PCDHA6: variants seen among roughly 807,000 people sequenced by gnomAD.
The protein encoded by PCDHA6 is protocadherin alpha-6.
Under a neutral mutation model 60.3 loss-of-function variants are expected in PCDHA6, and 55 were observed. That is an observed-to-expected ratio of 0.91 (90% CI 0.73 to 1.14). The LOEUF (loss-of-function observed/expected upper bound fraction) is 1.14, where lower values mean the gene tolerates loss of function less well. Among genes scored for constraint, PCDHA6 ranks in the 50% most tolerant of loss-of-function variants. The probability of loss-of-function intolerance (pLI) is 0.00; values close to 1 mark genes in which losing one functional copy is unlikely to be tolerated. For synonymous variants in PCDHA6, 652 were observed against 557.9 expected, an observed-to-expected ratio of 1.17 and a Z score of -2.38; for missense variants, 1,327 against 1,256.5, an observed-to-expected ratio of 1.06 and a Z score of -0.85.
At chr5:140,850,820 C>T in intron 1 of PCDHA6, 6 of 1,598,226 alleles carry the variant, frequency 3.8e-6, no homozygotes, top group Non-Finnish European at 5.1e-6. Flanking sequence ...TCAGCCCGGG[C>T]CTTTCTCCTT....
intron 2 of PCDHA6, among the ~76,000 whole-genome samples, chr5:140,981,337 G>A (rs2096927522): frequency 6.6e-6 from 1 of 152,146 alleles, no homozygotes; most frequent in African/African-American, 2.4e-5. Context: ...ACTTTGGGAG[G>A]GTGAGGCAGG....
intron 1 of PCDHA6, chr5:140,928,280 C>T (rs781831365): frequency 6.2e-7 from 1 of 1,614,076 alleles, no homozygotes; most frequent in African/African-American, 1.3e-5. Context: ...CCTGGGGCCT[C>T]TCTAGGCCGA....
intron 3 of PCDHA6, among the ~76,000 whole-genome samples, chr5:141,006,264 T>C (rs2098264343): frequency 6.6e-6 from 1 of 152,148 alleles, no homozygotes; most frequent in Non-Finnish European, 1.5e-5. Flanking sequence ...CAGGCTGGAC[T>C]GCAGTGGCAC....
chr5:140,898,632 C>T (rs2066885282), intron 1 of PCDHA6, among the ~76,000 whole-genome samples: 1 of 152,158 alleles, frequency 6.6e-6, no homozygotes, highest in Non-Finnish European at 1.5e-5. Flanking sequence ...ATAATGCCTC[C>T]AGCTTTGTTC....
At chr5:140,968,162 C>A in intron 1 of PCDHA6, 1 of 1,614,122 alleles carries the variant, frequency 6.2e-7, no homozygotes, top group East Asian at 2.2e-5. Flanking sequence ...CAATGACAAT[C>A]CACCAAGCTT....
At chr5:140,848,315 C>A (rs1347571265) in intron 1 of PCDHA6, 1 of 741,172 alleles carries the variant, frequency 1.3e-6, no homozygotes. Flanking sequence ...CTCTTTGCCG[C>A]GATGTTCTCT....
rs148820707 is a variant in PCDHA6, at chr5:140,954,545, G to A, written c.2395-24404G>A. ...AGTGATGTTGAGGTTTTTTTCATAT[G>A]TTTGTTGGCTGCATGACTGTCTTCT... On this transcript the variant is annotated intron_variant, in intron 1 of 3. Coordinates refer to ENST00000529310, the MANE Select transcript of PCDHA6 (RefSeq NM_018909.4). 4.6e-3 allele frequency among the ~76,000 whole-genome samples: 702 copies of A among 152,204 alleles called. 2 individuals are homozygous for A. The highest frequency in any genetic ancestry group is 0.016 in the African/African-American group (679 of 41,554).
At chr5:140,850,964 C>G (rs1554145138) in intron 1 of PCDHA6, 1 of 1,468,876 alleles carries the variant, frequency 6.8e-7, no homozygotes, top group African/African-American at 1.4e-5. Flanking sequence ...TCCCAGGGGC[C>G]GTTCAAATAG....
In PCDHA6 at chr5:141,011,865, G is replaced by A. The variant is rs372303007; in HGVS notation, c.*1928G>A. Reference sequence around the variant, plus strand: ...TAAGACATTTTAATTTTGTTATAATGTACAATTTAGAAGTTTGATTAATTA... The same window carrying A: ...TAAGACATTTTAATTTTGTTATAATATACAATTTAGAAGTTTGATTAATTA... On this transcript the variant is annotated 3_prime_UTR_variant, in exon 4 of 4. Coordinates refer to ENST00000529310, the MANE Select transcript of PCDHA6 (RefSeq NM_018909.4). 40 of 153,574 alleles carry A rather than the reference G, an allele frequency of 2.6e-4. No individual in the cohort carries two copies. The highest frequency in any genetic ancestry group is 3.4e-3 in the Middle Eastern group (1 of 294). 9.5% of individuals were successfully genotyped at this position (153,574 alleles called of 1,614,324 possible).
At chr5:140,954,889 G>C (rs2095106564) in intron 1 of PCDHA6, among the ~76,000 whole-genome samples, 1 of 152,070 alleles carries the variant, frequency 6.6e-6, no homozygotes, top group East Asian at 1.9e-4. Flanking sequence ...TTCTTCTAGG[G>C]TTTTTATAGT....
intron 1 of PCDHA6, among the ~76,000 whole-genome samples, chr5:140,897,173 G>A (rs1212341088): frequency 6.6e-6 from 1 of 151,926 alleles, no homozygotes; most frequent in East Asian, 1.9e-4. Context: ...CTATCTCCAT[G>A]GGTTCAAAAA....
rs2150485669 is a variant in PCDHA6, at chr5:140,850,474, C to T, written c.2394+19989C>T. On this transcript the variant is annotated intron_variant, in intron 1 of 3. Coordinates refer to ENST00000529310, the MANE Select transcript of PCDHA6 (RefSeq NM_018909.4). ...AAAGACCACGGGGAGCCAGCGCTGA[C>T]GGCCACGGCCACTGTGCTGGTGTCG... 7.5e-6 allele frequency: 12 copies of T among 1,597,644 alleles called. 2 individuals are homozygous for T. In the South Asian group the frequency reaches 1.1e-4, roughly 15 times the overall value.
chr5:140,887,306 C>G (rs2061398552), intron 1 of PCDHA6, among the ~76,000 whole-genome samples: 1 of 152,096 alleles, frequency 6.6e-6, no homozygotes. Flanking sequence ...TCTTGTTAGC[C>G]AGGATAGTCT....
chr5:140,926,797 T>C (rs2153584735), intron 1 of PCDHA6: 2 of 1,450,476 alleles, frequency 1.4e-6, no homozygotes, highest in Admixed American at 2.7e-5. Flanking sequence ...AGGAGCGTGC[T>C]CTTCCCCGCG....
intron 1 of PCDHA6, among the ~76,000 whole-genome samples, chr5:140,897,453 C>T (rs1437046068): frequency 6.6e-6 from 1 of 151,162 alleles, no homozygotes; most frequent in African/African-American, 2.4e-5. Context: ...GTTTTTTGTC[C>T]TTGCGATAGT....
rs191125107 is a variant in PCDHA6 at position 140,991,229 on chromosome 5, G to A, written c.2542+8666G>A. 1.4e-3 allele frequency among the ~76,000 whole-genome samples: 211 copies of A among 152,246 alleles called. 1 individual carries two copies. The highest frequency in any genetic ancestry group is 4.8e-3 in the African/African-American group (201 of 41,560). On this transcript the variant is annotated intron_variant, in intron 3 of 3. Coordinates refer to ENST00000529310, the MANE Select transcript of PCDHA6 (RefSeq NM_018909.4). ...AATTTTGTTAAATTCATTAATAAAT[G>A]CAGTGGTAAAGGCAGTATTTGAACT... is the stretch of plus-strand genomic sequence containing the variant.
intron 1 of PCDHA6, chr5:140,836,045 C>G: frequency 1.2e-6 from 2 of 1,613,320 alleles, no homozygotes; most frequent in South Asian, 1.1e-5. Flanking sequence ...TGCAGGTGTT[C>G]GTGCTGGACG....
At chr5:140,979,690 A>G (rs2096860224) in intron 2 of PCDHA6, among the ~76,000 whole-genome samples, 1 of 152,252 alleles carries the variant, frequency 6.6e-6, no homozygotes, top group Non-Finnish European at 1.5e-5. Context: ...ATTAACTACC[A>G]TTATTTCTGG....
chr5:141,011,429 A>G lies in PCDHA6; in HGVS notation c.*1492A>G, dbSNP rs1554263477. ...TGTGTATGTGAATGTTAATGCAACT[A>G]TTACCTAGAGTGAACTTTAAGCTTT... On this transcript the variant is annotated 3_prime_UTR_variant, in exon 4 of 4. Coordinates refer to ENST00000529310, the MANE Select transcript of PCDHA6 (RefSeq NM_018909.4). 1.3e-5 allele frequency: 2 copies of G among 153,758 alleles called. No homozygotes were observed. Among genetic ancestry groups the G allele is most frequent in the Non-Finnish European group, 2.9e-5 (2 of 68,036 alleles). 9.5% of individuals were successfully genotyped at this position (153,758 alleles called of 1,614,324 possible).
Sources: gnomAD v4.1 joint callset for allele counts (sites outside exome capture counted in the v4.1 genomes callset) on GRCh38, gnomAD v4.1.1 for gene constraint, MANE v1.5 for transcripts, NCBI Gene and HGNC (gene_info 2026-07-23, HGNC 2026-07-21) for gene names.